The following LRRC7 variants were observed in gnomAD, a reference collection of about 807,000 sequenced individuals.
The protein encoded by LRRC7 is leucine rich repeat containing 7.
Under a neutral mutation model 175.7 loss-of-function variants are expected in LRRC7, and 23 were observed. The observed-to-expected ratio is 0.13, with a 90% CI of 0.09 to 0.19. LRRC7 has a LOEUF of 0.19. Ranked by LOEUF, LRRC7 falls within the 10% of genes least tolerant of loss-of-function variation. LRRC7 has a pLI of 1.00. For synonymous variants in LRRC7, 685 were observed against 680.9 expected (o/e 1.01, Z -0.09); for missense variants, 1,354 against 1,904.7 (o/e 0.71, Z 5.38).
At chr1:69,968,798 G>T (rs183955571) in intron 8 of LRRC7, among the ~76,000 whole-genome samples, 165 of 151,624 alleles carry the variant, frequency 1.1e-3, no homozygotes, top group South Asian at 6.3e-3. Flanking sequence ...TCTTTGTGGG[G>T]TTTTTTTGTT....
intron 23 of LRRC7, among the ~76,000 whole-genome samples, chr1:70,070,194 C>T (rs1410142768): frequency 6.6e-6 from 1 of 152,006 alleles, no homozygotes; most frequent in Admixed American, 6.6e-5. Context: ...AGCGTTTCGC[C>T]GTGTTGCCCA....
chr1:69,588,633 C>T (rs562204869), intron 1 of LRRC7, among the ~76,000 whole-genome samples: 1 of 152,174 alleles, frequency 6.6e-6, no homozygotes, highest in South Asian at 2.1e-4. Context: ...TTTTGTAAGC[C>T]TTGTTTCTTT....
At chr1:69,751,491 C>G (rs1260774103) in intron 2 of LRRC7, among the ~76,000 whole-genome samples, 2 of 151,950 alleles carry the variant, frequency 1.3e-5, no homozygotes, top group African/African-American at 4.8e-5. Context: ...GAAGGAAAAG[C>G]AAAAGAGGAC....
intron 2 of LRRC7, among the ~76,000 whole-genome samples, chr1:69,749,008 A>C (rs901418566): frequency 1.3e-5 from 2 of 152,140 alleles, no homozygotes; most frequent in Non-Finnish European, 2.9e-5. Context: ...TGGAAGCCAA[A>C]CTCTTCAAGA....
chr1:69,909,414 GT>G (rs1242867861), intron 7 of LRRC7, among the ~76,000 whole-genome samples: 12 of 152,138 alleles, frequency 7.9e-5, no homozygotes, highest in African/African-American at 2.9e-4. Flanking sequence ...GGTACCGGTT[GT>G]TCCTTTCCAT....
rs188961612 is a variant in LRRC7 at position 69,784,459 on chromosome 1, T to G, written c.304-7584T>G. On this transcript the variant is annotated intron_variant, in intron 3 of 26. Transcript: ENST00000651989. Reference sequence around the variant, plus strand: ...ACATTTTAAAAGACACAAACAATAATAAAATAAATACAATGACTCACAAAA... The same window carrying G: ...ACATTTTAAAAGACACAAACAATAAGAAAATAAATACAATGACTCACAAAA... 3.1e-3 allele frequency among the ~76,000 whole-genome samples: 467 copies of G among 152,226 alleles called. 4 individuals are homozygous for G. Among genetic ancestry groups the G allele is most frequent in the South Asian group, 0.016 (78 of 4,820 alleles).
At position 70,135,796 on chromosome 1, in the gene LRRC7, T is replaced by G. The variant is rs1666843022; in HGVS notation, c.*13909T>G. Among the ~76,000 whole-genome samples the G allele has an allele frequency of 6.6e-6, 1 of 152,244 alleles. No individual in the cohort carries two copies. On this transcript the variant is annotated 3_prime_UTR_variant, in exon 27 of 27. Transcript: ENST00000651989. ...TATTTGTCTATACTGTCTTGATTGT[T>G]TTAAACCAGCCATCTTTGATAGCCA... is the stretch of plus-strand genomic sequence containing the variant.
Position 70,137,182 on chromosome 1 carries a change from G to A in LRRC7, c.*15295G>A, listed in dbSNP as rs143176299. 3.9e-3 allele frequency among the ~76,000 whole-genome samples: 589 copies of A among 152,238 alleles called. 5 individuals carry two copies. Among genetic ancestry groups the A allele is most frequent in the African/African-American group, 0.013 (546 of 41,532 alleles). On this transcript the variant is annotated 3_prime_UTR_variant, in exon 27 of 27. Transcript: ENST00000651989. ...TATCATCCTGAATAAATCATATCAC[G>A]GAGAGATAGTCACAGGTTAGCTAAG...
rs765775659 is a variant in LRRC7 at position 69,586,556 on chromosome 1, T to C, written c.2+17915T>C. ...CCAGCAGCTGAGGGCCTCTCTGTTT[T>C]TCTGGGATCCTAGGGGGAGAATTCA... On this transcript the variant is annotated intron_variant, in intron 1 of 26. Transcript: ENST00000651989. Among the ~76,000 whole-genome samples the C allele has an allele frequency of 1.5e-4, 23 of 152,078 alleles. 1 individual carries two copies. Among genetic ancestry groups the C allele is most frequent in the Non-Finnish European group, 2.8e-4 (19 of 67,998 alleles).
chr1:69,911,009 G>A (rs1213607007), intron 7 of LRRC7, among the ~76,000 whole-genome samples: 4 of 152,186 alleles, frequency 2.6e-5, no homozygotes, highest in Non-Finnish European at 1.5e-5. Flanking sequence ...GTCATGTGGG[G>A]GATATAATCT....
intron 7 of LRRC7, among the ~76,000 whole-genome samples, chr1:69,869,495 A>T (rs576688902): frequency 6.6e-6 from 1 of 152,288 alleles, no homozygotes; most frequent in South Asian, 2.1e-4. Flanking sequence ...CCTGAAATAC[A>T]GTTAGATAGA....
intron 4 of LRRC7, among the ~76,000 whole-genome samples, chr1:69,794,313 A>G (rs1387269318): frequency 6.6e-6 from 1 of 152,088 alleles, no homozygotes; most frequent in Non-Finnish European, 1.5e-5. Context: ...TTTCATCTGA[A>G]AGAGACAATT....
At chr1:69,632,051 T>C (rs1029989013) in intron 1 of LRRC7, among the ~76,000 whole-genome samples, 1 of 152,186 alleles carries the variant, frequency 6.6e-6, no homozygotes, top group African/African-American at 2.4e-5. Flanking sequence ...AATATTTTTC[T>C]TCTCTCTGCA....
chr1:69,917,500 A>C (rs1316336036), intron 7 of LRRC7, among the ~76,000 whole-genome samples: 1 of 152,134 alleles, frequency 6.6e-6, no homozygotes, highest in Non-Finnish European at 1.5e-5. Context: ...AAATGGAGGT[A>C]AGATGCTTAC....
chr1:69,924,496 C>T (rs1646995982), intron 7 of LRRC7, among the ~76,000 whole-genome samples: 1 of 152,234 alleles, frequency 6.6e-6, no homozygotes, highest in South Asian at 2.1e-4. Context: ...TTGTAGTTCT[C>T]CTTGAAGAGT....
At chr1:69,866,817 A>C (rs1570410690) in intron 7 of LRRC7, among the ~76,000 whole-genome samples, 1 of 152,284 alleles carries the variant, frequency 6.6e-6, no homozygotes, top group East Asian at 1.9e-4. Context: ...GAAATGATGA[A>C]TGTGTACCTC....
chr1:69,634,878 T>G (rs968321489), intron 1 of LRRC7, among the ~76,000 whole-genome samples: 3 of 152,102 alleles, frequency 2.0e-5, no homozygotes, highest in African/African-American at 7.2e-5. Flanking sequence ...AAAATTTGAC[T>G]GAGCGGAAAA....
intron 4 of LRRC7, among the ~76,000 whole-genome samples, chr1:69,820,224 T>C (rs958051402): frequency 2.0e-5 from 3 of 152,138 alleles, no homozygotes; most frequent in African/African-American, 4.8e-5. Flanking sequence ...ACCATGGGGC[T>C]ACATTATAAC....
At position 70,038,350 on chromosome 1, in the gene LRRC7, G is replaced by A. The variant is rs750335669; in HGVS notation, c.2526G>A (p.Ser842=). ...LLSSKSRSTS[S]HGRRPLIRQD... is the part of the protein sequence containing the mutation. ...GTTCGAAATCTAGAAGCACATCTTC[G>A]CATGGACGCAGGCCTTTGATCAGGC... Residue 842 remains serine, a synonymous_variant, in exon 21 of 27, where the codon TCG becomes TCA. Coordinates refer to ENST00000651989, the MANE Select transcript of LRRC7 (RefSeq NM_001370785.2). The A allele has an allele frequency of 7.4e-6, 12 of 1,613,934 alleles. No homozygotes were observed. Among genetic ancestry groups the A allele is most frequent in the African/African-American group, 4.0e-5 (3 of 74,890 alleles).
Sources: allele counts gnomAD v4.1 joint callset (sites outside exome capture counted in the v4.1 genomes callset), GRCh38; gene constraint gnomAD v4.1.1; transcripts MANE v1.5; gene names NCBI Gene and HGNC (gene_info 2026-07-23, HGNC 2026-07-21).